ASAP1: variants seen among roughly 807,000 people sequenced by gnomAD.
ASAP1 encodes arf-GAP with SH3 domain, ANK repeat and PH domain-containing protein 1.
In ASAP1, 43 loss-of-function variants were observed where a neutral mutation model predicts 145.2. The ratio of observed to expected loss-of-function variants is 0.30; its 90% CI spans 0.23 to 0.38. The LOEUF (loss-of-function observed/expected upper bound fraction) is 0.38, where lower values mean the gene tolerates loss of function less well. ASAP1 is among the 10% of genes least tolerant of loss of function. The pLI is 1.00. For synonymous variants in ASAP1, 546 were observed against 515.5 expected (o/e 1.06, Z -0.80); for missense variants, 1,018 against 1,355.3 (o/e 0.75, Z 3.91).
chr8:130,088,492 G>A (rs1004097359), intron 25 of ASAP1, among the ~76,000 whole-genome samples: 4 of 152,180 alleles, frequency 2.6e-5, no homozygotes, highest in South Asian at 2.1e-4. Flanking sequence ...GAGAGGCGGC[G>A]GCAGTGGGGA....
At chr8:130,420,359 A>G (rs1829669991) in intron 1 of ASAP1, among the ~76,000 whole-genome samples, 1 of 152,106 alleles carries the variant, frequency 6.6e-6, no homozygotes, top group Non-Finnish European at 1.5e-5. Context: ...AAAATGGTTC[A>G]GCTACTTTGG....
chr8:130,265,069 T>C (rs1299671881), intron 3 of ASAP1, among the ~76,000 whole-genome samples: 2 of 152,208 alleles, frequency 1.3e-5, no homozygotes, highest in African/African-American at 4.8e-5. Context: ...GAGCCAAGGA[T>C]GTGGCCCTTT....
chr8:130,116,255 G>A (rs2097555730), intron 22 of ASAP1, among the ~76,000 whole-genome samples: 1 of 152,202 alleles, frequency 6.6e-6, no homozygotes, highest in African/African-American at 2.4e-5. Flanking sequence ...GTCAAAAAAG[G>A]TGAATGTGCA....
At chr8:130,236,275 T>C (rs1818208834) in intron 4 of ASAP1, among the ~76,000 whole-genome samples, 1 of 152,110 alleles carries the variant, frequency 6.6e-6, no homozygotes, top group Non-Finnish European at 1.5e-5. Context: ...TTTCCAAGCT[T>C]CTCTTCTACA....
At chr8:130,265,907 T>C (rs910422415) in intron 3 of ASAP1, among the ~76,000 whole-genome samples, 2 of 152,266 alleles carry the variant, frequency 1.3e-5, no homozygotes, top group South Asian at 2.1e-4. Context: ...GGACTTCCAG[T>C]GTTACAGCAT....
intron 24 of ASAP1, among the ~76,000 whole-genome samples, chr8:130,099,680 CTTTTTTT>C (rs57950334): frequency 4.0e-5 from 4 of 100,228 alleles, no homozygotes; most frequent in African/African-American, 1.1e-4. Flanking sequence ...GGATTTCATT[CTTTTTTT>C]TTTTTTTTTT....
chr8:130,400,744 T>C (rs887357462), intron 2 of ASAP1, among the ~76,000 whole-genome samples: 7 of 142,844 alleles, frequency 4.9e-5, no homozygotes, highest in Non-Finnish European at 1.0e-4. Flanking sequence ...TGAGCCGAGA[T>C]AGCGCCACTG....
intron 13 of ASAP1, among the ~76,000 whole-genome samples, chr8:130,143,398 G>T (rs939364877): frequency 1.9e-4 from 28 of 146,614 alleles, no homozygotes; most frequent in African/African-American, 6.7e-4. Context: ...CAAGATGTGT[G>T]TGTGAGATGT....
Position 130,060,670 on chromosome 8 carries a change from T to C in ASAP1, c.3101A>G (p.Asp1034Gly). 6.2e-7 allele frequency: 1 copy of C among 1,614,126 alleles called. No homozygotes were observed. Among genetic ancestry groups the C allele is most frequent in the African/African-American group, 1.3e-5 (1 of 75,020 alleles). Residue 1034 changes from aspartate (D) to glycine (G), a missense_variant, in exon 28 of 30, where the codon GAC (aspartate) becomes GGC (glycine). Transcript: ENST00000518721. ...TTCAGATGCTTGCTTTTGGATGGCG[T>C]CTCTGGACTGCACATTTGGGGATAG... is the stretch of plus-strand genomic sequence containing the variant. ...LDLSPNVQSRDAIQKQASEDS... is the reference protein window; with the variant it reads ...LDLSPNVQSRGAIQKQASEDS...
intron 1 of ASAP1, among the ~76,000 whole-genome samples, chr8:130,433,884 G>T (rs558376694): frequency 6.6e-6 from 1 of 152,228 alleles, no homozygotes; most frequent in African/African-American, 2.4e-5. Context: ...GGCAGGCTAA[G>T]AGAAAGGCTA....
At chr8:130,331,283 C>T (rs1824672006) in intron 3 of ASAP1, among the ~76,000 whole-genome samples, 1 of 152,146 alleles carries the variant, frequency 6.6e-6, no homozygotes, top group Non-Finnish European at 1.5e-5. Context: ...TGTCATCTTG[C>T]TCTTAGATCC....
At chr8:130,359,875 G>A (rs543283301) in intron 2 of ASAP1, among the ~76,000 whole-genome samples, 45 of 150,670 alleles carry the variant, frequency 3.0e-4, no homozygotes, top group South Asian at 1.3e-3. Context: ...CACCCGCCTC[G>A]GCCTCCCAAA....
At chr8:130,188,304 C>T in intron 5 of ASAP1, 121 bp from the exon 6 acceptor site, 2 of 738,660 alleles carry the variant, frequency 2.7e-6, no homozygotes, top group Non-Finnish European at 4.7e-6. Context: ...GCTTTCCATG[C>T]ATTATTTCAT....
At chr8:130,159,795 T>C in intron 12 of ASAP1, 69 bp downstream of exon 12, 2 of 1,250,006 alleles carry the variant, frequency 1.6e-6, no homozygotes, top group South Asian at 1.2e-5. Context: ...TGTGTTTCCC[T>C]ATATGAGAGA....
intron 4 of ASAP1, among the ~76,000 whole-genome samples, chr8:130,231,579 G>A (rs1817910582): frequency 6.6e-6 from 1 of 151,958 alleles, no homozygotes; most frequent in African/African-American, 2.4e-5. Flanking sequence ...GAAAAAAAAA[G>A]CCAACACTTT....
chr8:130,152,238 G>T (rs973683316), intron 13 of ASAP1, among the ~76,000 whole-genome samples: 3 of 152,142 alleles, frequency 2.0e-5, no homozygotes, highest in Non-Finnish European at 2.9e-5. Context: ...AAAAGTCTTG[G>T]CATATACTTT....
intron 3 of ASAP1, among the ~76,000 whole-genome samples, chr8:130,249,602 C>A (rs891412125): frequency 6.6e-6 from 1 of 152,190 alleles, no homozygotes; most frequent in African/African-American, 2.4e-5. Context: ...AAGAAATAAT[C>A]TCTCTTCATT....
At chr8:130,290,408 A>G (rs1449272030) in intron 3 of ASAP1, among the ~76,000 whole-genome samples, 1 of 152,232 alleles carries the variant, frequency 6.6e-6, no homozygotes, top group African/African-American at 2.4e-5. Context: ...ACCAGATTCT[A>G]ACTTGGGATG....
At chr8:130,424,076 A>G (rs548382172) in intron 1 of ASAP1, among the ~76,000 whole-genome samples, 1 of 152,372 alleles carries the variant, frequency 6.6e-6, no homozygotes, top group East Asian at 1.9e-4. Context: ...TGTGAATTAT[A>G]TGTCAATAAA....
Sources: allele counts gnomAD v4.1 joint callset (sites outside exome capture counted in the v4.1 genomes callset), GRCh38; gene constraint gnomAD v4.1.1; transcripts MANE v1.5; gene names NCBI Gene and HGNC (gene_info 2026-07-23, HGNC 2026-07-21).